Variants in ETS1 observed in about 807,000 individuals in gnomAD.
ETS1 encodes ETS proto-oncogene 1, transcription factor.
In ETS1, 15 loss-of-function variants were observed where a neutral mutation model predicts 58.6. The observed-to-expected ratio is 0.26, with a 90% CI of 0.17 to 0.39. The LOEUF is 0.39. Among genes scored for constraint, ETS1 ranks in the 10% least tolerant of loss-of-function variants. ETS1 has a pLI of 1.00. For synonymous variants in ETS1, 214 were observed against 218.2 expected (o/e 0.98, Z 0.17); for missense variants, 417 against 610.5 (o/e 0.68, Z 3.34).
chr11:128,517,125 G>A (rs75805575), intron 3 of ETS1, among the ~76,000 whole-genome samples: 4,041 of 152,226 alleles, frequency 0.027, 84 homozygotes, highest in Non-Finnish European at 0.038. Flanking sequence ...CAGGCCTGGG[G>A]ACAACCCACA....
intron 3 of ETS1, among the ~76,000 whole-genome samples, chr11:128,509,640 T>C (rs2135497283): frequency 6.6e-6 from 1 of 150,702 alleles, no homozygotes; most frequent in South Asian, 2.1e-4. Flanking sequence ...GCGTTCTTCC[T>C]GCCCCTATAA....
chr11:128,489,831 A>C (rs1375603905), intron 4 of ETS1, among the ~76,000 whole-genome samples: 27 of 152,116 alleles, frequency 1.8e-4, no homozygotes, highest in Non-Finnish European at 5.9e-5. Flanking sequence ...GAACAGAACA[A>C]ATGGCTTCTT....
intron 3 of ETS1, chr11:128,497,644 A>G (rs979906785): frequency 1.0e-6 from 1 of 960,490 alleles, no homozygotes; most frequent in African/African-American, 1.8e-5. Context: ...AAATGAAAGC[A>G]GTTGTAATTC....
intron 3 of ETS1, chr11:128,536,756 G>A (rs572411592): frequency 6.6e-6 from 1 of 152,300 alleles, no homozygotes; most frequent in African/African-American, 2.4e-5. Context: ...TTTAAGCAAT[G>A]ACTTCAGGCT....
chr11:128,517,258 C>A (rs537676732), intron 3 of ETS1, among the ~76,000 whole-genome samples: 2 of 152,196 alleles, frequency 1.3e-5, no homozygotes, highest in African/African-American at 4.8e-5. Context: ...CCCAAAGCAC[C>A]GACCAGCATT....
At position 128,542,670 on chromosome 11, in the gene ETS1, T is replaced by C. The variant is rs572219867; in HGVS notation, c.214+13621A>G. Among the ~76,000 whole-genome samples the C allele has an allele frequency of 2.0e-5, 3 of 152,106 alleles. No individual in the cohort carries two copies. In the South Asian group the frequency reaches 6.2e-4, roughly 32 times the overall value. On this transcript the variant is annotated intron_variant, in intron 3 of 9. Transcript: ENST00000392668. The stretch of plus-strand genomic sequence containing the variant: ...ACCTTCATCAAAACAAGAGAGAAGA[T>C]AAAGACAGCAACAACCCCTCCACTA...
chr11:128,533,511 C>T (rs1165515385), intron 3 of ETS1, among the ~76,000 whole-genome samples: 1 of 152,220 alleles, frequency 6.6e-6, no homozygotes, highest in African/African-American at 2.4e-5. Flanking sequence ...ACCTTCTCCC[C>T]CACATAGGGA....
intron 3 of ETS1, chr11:128,526,844 T>A (rs1040513110): frequency 4.4e-5 from 20 of 449,486 alleles, no homozygotes; most frequent in African/African-American, 8.0e-5. Context: ...TAGAGCTCAA[T>A]GGGAGTTTAT....
At chr11:128,550,730 C>T (rs1023985161) in intron 3 of ETS1, among the ~76,000 whole-genome samples, 1 of 152,196 alleles carries the variant, frequency 6.6e-6, no homozygotes, top group Non-Finnish European at 1.5e-5. Context: ...GCACAGCCAT[C>T]CAGGCAGAAT....
chr11:128,513,929 T>C lies in ETS1; in HGVS notation c.215-23353A>G, dbSNP rs137925017. Among the ~76,000 whole-genome samples, 15 of 152,270 alleles carry C rather than the reference T, an allele frequency of 9.9e-5. No homozygotes were observed. In the East Asian group the frequency reaches 2.9e-3, roughly 29 times the overall value. ...AATCAGACTCAACAACACATTTTTA[T>C]TCTGAACATGAATGATACTAATGCA... On this transcript the variant is annotated intron_variant, in intron 3 of 9. Transcript: ENST00000392668.
At chr11:128,511,523 G>A (rs751521191) in intron 3 of ETS1, among the ~76,000 whole-genome samples, 4 of 152,090 alleles carry the variant, frequency 2.6e-5, no homozygotes, top group Non-Finnish European at 5.9e-5. Context: ...ATCTGTTCAA[G>A]CTGCTCAAAG....
chr11:128,583,858 C>G (rs1339918452), intron 1 of ETS1, among the ~76,000 whole-genome samples: 1 of 152,150 alleles, frequency 6.6e-6, no homozygotes, highest in Non-Finnish European at 1.5e-5. Flanking sequence ...CACTTGATTA[C>G]TGGAATATGA....
intron 1 of ETS1, among the ~76,000 whole-genome samples, chr11:128,584,957 A>AGAAG (rs1192754539): frequency 3.9e-5 from 1 of 25,380 alleles, no homozygotes; most frequent in Non-Finnish European, 6.9e-5. Flanking sequence ...AAAGAAAGAA[A>AGAAG]GAAAGAAAGA....
At chr11:128,468,147 G>A (rs1169652807) in intron 8 of ETS1, among the ~76,000 whole-genome samples, 1 of 152,130 alleles carries the variant, frequency 6.6e-6, no homozygotes, top group Admixed American at 6.5e-5. Context: ...TCACACCAAG[G>A]ATGTTCACCC....
chr11:128,569,581 A>G (rs1285928986), intron 2 of ETS1, among the ~76,000 whole-genome samples: 2 of 151,548 alleles, frequency 1.3e-5, no homozygotes, highest in Non-Finnish European at 3.0e-5. Flanking sequence ...TCTAGTGCCA[A>G]TGTCCTAAGG....
intron 4 of ETS1, among the ~76,000 whole-genome samples, chr11:128,489,951 A>G (rs1862750958): frequency 6.6e-6 from 1 of 152,234 alleles, no homozygotes; most frequent in Non-Finnish European, 1.5e-5. Flanking sequence ...TATAGTGGTA[A>G]CAATTGTAGC....
chr11:128,525,216 G>T (rs1863777178), intron 3 of ETS1, among the ~76,000 whole-genome samples: 1 of 152,068 alleles, frequency 6.6e-6, no homozygotes, highest in South Asian at 2.1e-4. Flanking sequence ...GCCAAGAAAA[G>T]TCCGCAGGAG....
intron 3 of ETS1, among the ~76,000 whole-genome samples, chr11:128,520,002 T>C (rs934556348): frequency 7.2e-5 from 11 of 152,248 alleles, no homozygotes; most frequent in Admixed American, 5.2e-4. Flanking sequence ...CTTTGGCCAG[T>C]TGAAATTTTG....
At chr11:128,541,680 A>G (rs1267176241) in intron 3 of ETS1, among the ~76,000 whole-genome samples, 1 of 152,192 alleles carries the variant, frequency 6.6e-6, no homozygotes, top group African/African-American at 2.4e-5. Context: ...TGATCCTGAC[A>G]GATTAATTTA....
Sources: gnomAD v4.1 joint callset for allele counts (sites outside exome capture counted in the v4.1 genomes callset) on GRCh38, gnomAD v4.1.1 for gene constraint, MANE v1.5 for transcripts, NCBI Gene and HGNC (gene_info 2026-07-23, HGNC 2026-07-21) for gene names.